The following CACNB2 variants were observed in gnomAD, a reference collection of about 807,000 sequenced individuals.
The protein encoded by CACNB2 is voltage-dependent L-type calcium channel subunit beta-2.
A neutral mutation model predicts 73.3 loss-of-function variants in CACNB2; 42 were observed. The observed-to-expected ratio is 0.57, with a 90% confidence interval of 0.45 to 0.74. The LOEUF (loss-of-function observed/expected upper bound fraction) is 0.74, where lower values mean the gene tolerates loss of function less well. Ranked by LOEUF, CACNB2 falls within the 30% of genes least tolerant of loss-of-function variation. The pLI is 0.00. For missense variants in CACNB2, 940 were observed against 853.0 expected (o/e 1.10, Z -1.27); for synonymous variants, 348 against 310.3 (o/e 1.12, Z -1.28).
intron 6 of CACNB2, among the ~76,000 whole-genome samples, chr10:18,507,830 C>T (rs2050572801): frequency 6.6e-6 from 1 of 152,202 alleles, no homozygotes; most frequent in Admixed American, 6.5e-5. Flanking sequence ...ACTAGTCACA[C>T]AGTGACTGAT....
chr10:18,200,713 A>G (rs1344777769), intron 2 of CACNB2, among the ~76,000 whole-genome samples: 1 of 152,170 alleles, frequency 6.6e-6, no homozygotes, highest in Non-Finnish European at 1.5e-5. Flanking sequence ...TTTTTCTAAG[A>G]AACTTGTAAC....
rs1352733867 is a variant in CACNB2, at chr10:18,518,339, G to A, written c.808G>A (p.Glu270Lys). ...AAAGCCTCTCCTCTCTCTGCAGACA[G>A]AGCACACTCCTCCGTATGATGTGGT... ...EKRMPFFKKTEHTPPYDVVPS... is the reference protein window; with the variant it reads ...EKRMPFFKKTKHTPPYDVVPS... The change falls in exon 8 of 14, where the codon GAG becomes AAG. Residue 270 changes from glutamate (E) to lysine (K), a missense_variant. By Grantham distance (56) the Glu-to-Lys change is moderately conservative. Transcript: ENST00000324631. 2 of 1,611,554 alleles carry A rather than the reference G, an allele frequency of 1.2e-6. No individual in the cohort carries two copies. The highest frequency in any genetic ancestry group is 1.7e-6 in the Non-Finnish European group (2 of 1,177,760).
chr10:18,301,113 G>A (rs1196096122), intron 2 of CACNB2, among the ~76,000 whole-genome samples: 1 of 152,186 alleles, frequency 6.6e-6, no homozygotes, highest in African/African-American at 2.4e-5. Context: ...GTTCGGAAGT[G>A]CAAACGTAGC....
At chr10:18,282,049 C>T (rs1263972191) in intron 2 of CACNB2, among the ~76,000 whole-genome samples, 2 of 150,110 alleles carry the variant, frequency 1.3e-5, no homozygotes, top group Non-Finnish European at 2.9e-5. Context: ...GGTCTGGATT[C>T]CATCAGGGCC....
chr10:18,186,507 C>T (rs986350021), intron 2 of CACNB2, among the ~76,000 whole-genome samples: 2 of 152,072 alleles, frequency 1.3e-5, no homozygotes, highest in Non-Finnish European at 2.9e-5. Flanking sequence ...ACAGGCTGTA[C>T]AGGAAGCATG....
chr10:18,354,358 T>A (rs894163943), intron 2 of CACNB2, among the ~76,000 whole-genome samples: 2 of 152,110 alleles, frequency 1.3e-5, no homozygotes, highest in African/African-American at 2.4e-5. Context: ...CCACTGTGCC[T>A]GGTCCCAACC....
At chr10:18,239,391 T>C (rs1343114085) in intron 2 of CACNB2, among the ~76,000 whole-genome samples, 1 of 152,146 alleles carries the variant, frequency 6.6e-6, no homozygotes, top group African/African-American at 2.4e-5. Context: ...TCCCACTTAG[T>C]ATTTGACTTT....
At chr10:18,269,581 T>G (rs2037960559) in intron 2 of CACNB2, among the ~76,000 whole-genome samples, 1 of 152,192 alleles carries the variant, frequency 6.6e-6, no homozygotes, top group Admixed American at 6.5e-5. Flanking sequence ...GAAGTTAAAC[T>G]TTTCTGCACA....
In CACNB2 at chr10:18,518,866, A is replaced by T. The variant is rs2051543778; in HGVS notation, c.886-44A>T. On this transcript the variant is annotated intron_variant, in intron 8 of 13. Coordinates refer to ENST00000324631, the MANE Select transcript of CACNB2 (RefSeq NM_201596.3). ...TAAAATTGTTTTATCATCGTTAGTA[A>T]TTTTTTTTGGTCATATCTTAATTTA... is the stretch of plus-strand genomic sequence containing the variant. 3.2e-6 allele frequency: 5 copies of T among 1,539,514 alleles called. No homozygotes were observed. In the South Asian group the frequency reaches 4.5e-5, roughly 14 times the overall value.
intron 3 of CACNB2, among the ~76,000 whole-genome samples, chr10:18,447,559 G>T (rs954071852): frequency 6.6e-6 from 1 of 152,208 alleles, no homozygotes; most frequent in African/African-American, 2.4e-5. Flanking sequence ...GGACTTTGCA[G>T]AGTCAGGGAG....
chr10:18,350,910 C>A (rs994492369), intron 2 of CACNB2, among the ~76,000 whole-genome samples: 1 of 152,094 alleles, frequency 6.6e-6, no homozygotes, highest in East Asian at 1.9e-4. Context: ...TGAGCTCAAG[C>A]CGTCATCTAT....
At chr10:18,416,357 C>T (rs2044960973) in intron 3 of CACNB2, among the ~76,000 whole-genome samples, 1 of 152,192 alleles carries the variant, frequency 6.6e-6, no homozygotes, top group Admixed American at 6.5e-5. Flanking sequence ...ATTTATCTGT[C>T]AATGGGTATT....
intron 2 of CACNB2, among the ~76,000 whole-genome samples, chr10:18,231,530 C>G (rs2036225434): frequency 6.6e-6 from 1 of 152,186 alleles, no homozygotes; most frequent in Non-Finnish European, 1.5e-5. Flanking sequence ...GAATCCTCTT[C>G]CCAATTAGAC....
intron 2 of CACNB2, chr10:18,341,037 G>A (rs1359818567): frequency 1.3e-6 from 2 of 1,522,210 alleles, no homozygotes; most frequent in African/African-American, 1.4e-5. Context: ...AAACAGGAAT[G>A]CATAGAACTG....
intron 2 of CACNB2, among the ~76,000 whole-genome samples, chr10:18,160,197 T>C (rs1167114108): frequency 6.6e-6 from 1 of 152,158 alleles, no homozygotes; most frequent in African/African-American, 2.4e-5. Flanking sequence ...GGTTTGATTA[T>C]AGAAAAAATC....
chr10:18,398,913 A>T (rs2043849544), intron 2 of CACNB2, among the ~76,000 whole-genome samples: 1 of 152,274 alleles, frequency 6.6e-6, no homozygotes, highest in South Asian at 2.1e-4. Context: ...CAGGTCTCAA[A>T]GTGACTATGC....
chr10:18,447,065 A>G (rs2046770649), intron 3 of CACNB2, among the ~76,000 whole-genome samples: 1 of 152,100 alleles, frequency 6.6e-6, no homozygotes, highest in South Asian at 2.1e-4. Flanking sequence ...GTCTCAAAAA[A>G]AAAAAATAAA....
At chr10:18,399,636 GC>G (rs1451564132) in intron 2 of CACNB2, among the ~76,000 whole-genome samples, 3 of 151,978 alleles carry the variant, frequency 2.0e-5, no homozygotes, top group African/African-American at 7.3e-5. Flanking sequence ...TCCCACTTTG[GC>G]CTCCCAGAGT....
At chr10:18,244,991 G>T (rs181535085) in intron 2 of CACNB2, among the ~76,000 whole-genome samples, 192 of 152,242 alleles carry the variant, frequency 1.3e-3, no homozygotes, top group Middle Eastern at 6.8e-3. Context: ...TTGTGGAGGG[G>T]CCATGAGCCA....
Sources: gnomAD v4.1 joint callset for allele counts (sites outside exome capture counted in the v4.1 genomes callset) on GRCh38, gnomAD v4.1.1 for gene constraint, MANE v1.5 for transcripts, NCBI Gene and HGNC (gene_info 2026-07-23, HGNC 2026-07-21) for gene names.